Variants in COP1 observed in about 807,000 individuals in gnomAD.
COP1 encodes the protein E3 ubiquitin-protein ligase COP1.
COP1 carries 24 observed loss-of-function variants against 101.3 expected under a neutral mutation model. That is an observed-to-expected ratio of 0.24 (90% confidence interval 0.17 to 0.33). The LOEUF is 0.33. Ranked by LOEUF, COP1 falls within the 10% of genes least tolerant of loss-of-function variation. The pLI is 1.00. For synonymous variants in COP1, 347 were observed against 341.9 expected, an observed-to-expected ratio of 1.01 and a Z score of -0.17; for missense variants, 663 against 906.2, an observed-to-expected ratio of 0.73 and a Z score of 3.45.
intron 6 of COP1, among the ~76,000 whole-genome samples, 175 bp downstream of exon 6, chr1:176,148,830 GT>G (rs1193669169): frequency 6.6e-6 from 1 of 151,994 alleles, no homozygotes; most frequent in Non-Finnish European, 1.5e-5. Flanking sequence ...GATTTTTTAA[GT>G]GTCAAGTTGT....
intron 5 of COP1, among the ~76,000 whole-genome samples, chr1:176,161,445 A>T (rs6684140): frequency 0.39 from 58,941 of 151,756 alleles, 11,732 homozygotes; most frequent in Admixed American, 0.44. Context: ...AAATAAAAAT[A>T]AACTAGTTGG....
intron 2 of COP1, among the ~76,000 whole-genome samples, chr1:176,177,506 T>C (rs992873243): frequency 5.9e-5 from 9 of 152,124 alleles, no homozygotes; most frequent in African/African-American, 2.2e-4. Context: ...CCCCACAATG[T>C]TAACAGTATT....
chr1:176,193,385 A>G (rs2102169963), intron 1 of COP1, among the ~76,000 whole-genome samples: 1 of 152,298 alleles, frequency 6.6e-6, no homozygotes, highest in African/African-American at 2.4e-5. Context: ...GCAAAACACA[A>G]TTACCATATC....
chr1:176,138,932 C>T (rs1690213526), intron 6 of COP1, among the ~76,000 whole-genome samples: 1 of 152,064 alleles, frequency 6.6e-6, no homozygotes, highest in Admixed American at 6.6e-5. Flanking sequence ...TAAAATGTTC[C>T]ACTCTTGAAA....
At chr1:176,133,842 C>T (rs1213184246) in intron 8 of COP1, 1 of 454,128 alleles carries the variant, frequency 2.2e-6, no homozygotes. Context: ...CCTGTATGTA[C>T]TTACATAATA....
chr1:175,995,215 A>G (rs1349819297), intron 15 of COP1, among the ~76,000 whole-genome samples: 1 of 152,250 alleles, frequency 6.6e-6, no homozygotes, highest in African/African-American at 2.4e-5. Flanking sequence ...AAGACACAAC[A>G]TACCAGAATC....
intron 1 of COP1, among the ~76,000 whole-genome samples, chr1:176,186,957 G>A (rs79401439): frequency 0.034 from 5,101 of 152,240 alleles, 117 homozygotes; most frequent in Non-Finnish European, 0.047. Context: ...TCCATCATCC[G>A]TTAGTTTATT....
rs576280968 is a variant in COP1 at position 175,968,788 on chromosome 1, C to T, written c.2133+18155G>A. Reference sequence around the variant, plus strand: ...ACACATACATTCATCATTCCTTTCTCAATGCTTTCCAAAGTCTTCTCGCCA... The same window carrying T: ...ACACATACATTCATCATTCCTTTCTTAATGCTTTCCAAAGTCTTCTCGCCA... On this transcript the variant is annotated intron_variant, in intron 18 of 19. Transcript: ENST00000367669. Among the ~76,000 whole-genome samples the T allele has an allele frequency of 6.6e-5, 10 of 152,356 alleles. No individual in the cohort carries two copies. The East Asian group carries it at 1.7e-3, about 26-fold the overall frequency.
In COP1 at chr1:176,176,002, T is replaced by C. The variant is rs1252341128; in HGVS notation, c.473A>G (p.Lys158Arg). ...MTKCGHSFCYKCIHQSLEDNN... is the reference protein window; with the variant it reads ...MTKCGHSFCYRCIHQSLEDNN... ...GTCCTCCAAACTCTGATGAATACAC[T>C]TGTAGCTATTAGTAGGGGGGGAAAA... Residue 158 changes from lysine (K) to arginine (R), a missense_variant, in exon 3 of 20, where the codon AAG becomes AGG. By Grantham distance (26) the Lys-to-Arg change is conservative. This residue lies in a region of COP1 where 38 missense variants were observed against 78.5 expected (regional missense o/e 0.48). Coordinates refer to ENST00000367669, the MANE Select transcript of COP1 (RefSeq NM_022457.7). 1 of 1,511,394 alleles carries C rather than the reference T, an allele frequency of 6.6e-7. No homozygotes were observed. The highest frequency in any genetic ancestry group is 1.8e-5 in the Admixed American group (1 of 55,698). The allele number at this position is 1,511,394 out of a possible 1,614,324, so 93.6% of individuals were successfully genotyped here. A position where few individuals can be genotyped will look rare whatever the true frequency, so the allele number is the denominator to read the frequency against.
At chr1:176,065,800 T>G (rs1198228543) in intron 11 of COP1, among the ~76,000 whole-genome samples, 1 of 146,762 alleles carries the variant, frequency 6.8e-6, no homozygotes, top group African/African-American at 2.5e-5. Flanking sequence ...CTCCACCCCC[T>G]GGGTTCAAGC....
chr1:176,114,471 A>C (rs1328541505), intron 9 of COP1, among the ~76,000 whole-genome samples: 1 of 152,260 alleles, frequency 6.6e-6, no homozygotes, highest in African/African-American at 2.4e-5. Flanking sequence ...GTTCACTTAG[A>C]TAAAAATAGG....
intron 14 of COP1, among the ~76,000 whole-genome samples, chr1:176,037,376 C>T (rs982514437): frequency 1.3e-5 from 2 of 150,092 alleles, no homozygotes; most frequent in African/African-American, 2.5e-5. Context: ...CACTTCACTC[C>T]AGCCTGGGCG....
At chr1:176,029,690 T>C (rs768237799) in intron 14 of COP1, among the ~76,000 whole-genome samples, 4 of 152,152 alleles carry the variant, frequency 2.6e-5, no homozygotes, top group Non-Finnish European at 5.9e-5. Context: ...GTATTGGGAA[T>C]GGAAGCATAG....
chr1:176,066,710 T>G (rs1676038243), intron 11 of COP1, among the ~76,000 whole-genome samples: 1 of 152,204 alleles, frequency 6.6e-6, no homozygotes, highest in African/African-American at 2.4e-5. Flanking sequence ...TTTTAAACAT[T>G]AATGAATTCA....
At chr1:176,117,991 G>A (rs1458418179) in intron 8 of COP1, among the ~76,000 whole-genome samples, 2 of 152,178 alleles carry the variant, frequency 1.3e-5, no homozygotes, top group Admixed American at 1.3e-4. Context: ...AATTAGAATG[G>A]TTCTATATGT....
At chr1:176,131,282 C>T (rs1688845034) in intron 8 of COP1, among the ~76,000 whole-genome samples, 1 of 151,722 alleles carries the variant, frequency 6.6e-6, no homozygotes, top group African/African-American at 2.4e-5. Flanking sequence ...AAGATTATTG[C>T]TAGATGAGGT....
intron 18 of COP1, among the ~76,000 whole-genome samples, chr1:175,956,129 G>C (rs959434143): frequency 6.6e-6 from 1 of 152,030 alleles, no homozygotes; most frequent in Non-Finnish European, 1.5e-5. Flanking sequence ...AATCAATACA[G>C]TGTAGTATTA....
At chr1:176,153,304 G>A (rs556563222) in intron 5 of COP1, among the ~76,000 whole-genome samples, 1 of 152,060 alleles carries the variant, frequency 6.6e-6, no homozygotes, top group South Asian at 2.1e-4. Flanking sequence ...AACAAAATAA[G>A]GCAATAAAAA....
intron 15 of COP1, among the ~76,000 whole-genome samples, chr1:176,005,304 C>T (rs997180391): frequency 5.3e-5 from 8 of 152,178 alleles, no homozygotes; most frequent in Non-Finnish European, 1.0e-4. Flanking sequence ...AAAAAACCAG[C>T]TCCTGGATTC....
Sources: allele counts gnomAD v4.1 joint callset (sites outside exome capture counted in the v4.1 genomes callset), GRCh38; gene constraint gnomAD v4.1.1; regional missense constraint gnomAD v4.1.1; transcripts MANE v1.5; gene names NCBI Gene and HGNC (gene_info 2026-07-23, HGNC 2026-07-21).